DSCAM: variants seen among roughly 807,000 people sequenced by gnomAD.
DSCAM encodes cell adhesion molecule DSCAM.
DSCAM carries 47 observed loss-of-function variants against 217.7 expected under a neutral mutation model. The observed-to-expected ratio is 0.22, with a 90% CI of 0.17 to 0.28. The LOEUF is 0.28. Ranked by LOEUF, DSCAM falls within the 10% of genes least tolerant of loss-of-function variation. The probability of loss-of-function intolerance (pLI) is 1.00; values close to 1 mark genes in which losing one functional copy is unlikely to be tolerated. For synonymous variants in DSCAM, 1,056 were observed against 1,015.3 expected (o/e 1.04, Z -0.76); for missense variants, 2,080 against 2,618.3 (o/e 0.79, Z 4.49).
intron 3 of DSCAM, among the ~76,000 whole-genome samples, chr21:40,554,829 T>C (rs573990465): frequency 3.8e-4 from 58 of 151,980 alleles, no homozygotes; most frequent in Non-Finnish European, 7.8e-4. Flanking sequence ...TTTACGTTTT[T>C]GTAACCACCA....
rs1184609442 is a variant in DSCAM, at chr21:40,182,663, C to T, written c.2780-3569G>A. 7.1e-5 allele frequency among the ~76,000 whole-genome samples: 7 copies of T among 98,526 alleles called. No homozygotes were observed. In the East Asian group the frequency reaches 9.6e-4, roughly 14 times the overall value. The allele number at this position is 98,526 out of a possible 152,430, so 64.6% of individuals were successfully genotyped here. A position where few individuals can be genotyped will look rare whatever the true frequency, so the allele number is the denominator to read the frequency against. ...GACAGGAGGGGGTTACCAGAGAAACCGTGGACAGGGGGGGGTTACCAGAGA... is the reference window on the plus strand; with the variant it reads ...GACAGGAGGGGGTTACCAGAGAAACTGTGGACAGGGGGGGGTTACCAGAGA... On this transcript the variant is annotated intron_variant, in intron 14 of 32. Transcript: ENST00000400454.
chr21:40,138,640 G>A (rs556959579), intron 18 of DSCAM, among the ~76,000 whole-genome samples: 2 of 143,846 alleles, frequency 1.4e-5, no homozygotes, highest in South Asian at 2.3e-4. Context: ...TGTGGGGTAC[G>A]TGTGTGTGGG....
chr21:40,040,491 G>A (rs182731211), intron 32 of DSCAM, among the ~76,000 whole-genome samples: 2 of 152,268 alleles, frequency 1.3e-5, no homozygotes, highest in Admixed American at 1.3e-4. Context: ...ATGACGGCAT[G>A]CTATCTCAGG....
At chr21:40,619,255 T>A (rs532595550) in intron 3 of DSCAM, among the ~76,000 whole-genome samples, 104 of 151,994 alleles carry the variant, frequency 6.8e-4, no homozygotes, top group African/African-American at 2.4e-3. Context: ...AGATTTATTA[T>A]AATATGTGAT....
chr21:40,378,258 T>G (rs1162423093), intron 3 of DSCAM, among the ~76,000 whole-genome samples: 1 of 152,190 alleles, frequency 6.6e-6, no homozygotes, highest in Non-Finnish European at 1.5e-5. Flanking sequence ...CAAATCAATG[T>G]AAATTAAAAT....
rs180798468 is a variant in DSCAM, at chr21:40,194,457, G to A, written c.2357-5219C>T. On this transcript the variant is annotated intron_variant, in intron 11 of 32. Transcript: ENST00000400454. ...TTCTGAAGCATAACAAATGGATGGG[G>A]TAATTTAACAGGGATTGGTACCAAG... Among the ~76,000 whole-genome samples, 135 of 152,238 alleles carry A rather than the reference G, an allele frequency of 8.9e-4. 1 individual carries two copies. Among genetic ancestry groups the A allele is most frequent in the Non-Finnish European group, 1.4e-3 (94 of 68,026 alleles).
chr21:40,165,672 G>A (rs1380900117), intron 16 of DSCAM, among the ~76,000 whole-genome samples: 1 of 152,328 alleles, frequency 6.6e-6, no homozygotes, highest in East Asian at 1.9e-4. Flanking sequence ...TAGATCCTCT[G>A]TGGACAGACA....
chr21:40,628,692 GCTAT>G (rs60453786), intron 3 of DSCAM, among the ~76,000 whole-genome samples: 4,137 of 149,692 alleles, frequency 0.028, 78 homozygotes, highest in East Asian at 0.079. Context: ...ATAAGCACTT[GCTAT>G]CTATCTATCT....
Position 40,753,479 on chromosome 21 carries a change from A to G in DSCAM, c.44-44708T>C, listed in dbSNP as rs114206931. ...CGGAAAGATGAAGCAACACATTTATACAAAGTGTCAATAGATAAAATGGAC... is the reference window on the plus strand; with the variant it reads ...CGGAAAGATGAAGCAACACATTTATGCAAAGTGTCAATAGATAAAATGGAC... On this transcript the variant is annotated intron_variant, in intron 1 of 32. Coordinates refer to ENST00000400454, the MANE Select transcript of DSCAM (RefSeq NM_001389.5). Among the ~76,000 whole-genome samples the G allele has an allele frequency of 7.4e-3, 1,121 of 152,364 alleles. 12 individuals carry two copies. The highest frequency in any genetic ancestry group is 0.025 in the African/African-American group (1,048 of 41,586).
chr21:40,125,453 A>G (rs530256630), intron 19 of DSCAM, among the ~76,000 whole-genome samples: 27 of 152,300 alleles, frequency 1.8e-4, no homozygotes, highest in African/African-American at 6.5e-4. Flanking sequence ...AAACCAATAG[A>G]AGTCCCTTGC....
intron 4 of DSCAM, among the ~76,000 whole-genome samples, chr21:40,362,010 AGAACATGCGGTGTT>A (rs1206808408): frequency 1.3e-5 from 2 of 152,152 alleles, no homozygotes; most frequent in Non-Finnish European, 2.9e-5. Context: ...TCTATGAGTG[AGAACATGCGGTGTT>A]TGGTTTTTTG....
At chr21:40,115,588 C>T (rs2089960603) in intron 20 of DSCAM, among the ~76,000 whole-genome samples, 2 of 152,010 alleles carry the variant, frequency 1.3e-5, no homozygotes, top group African/African-American at 2.4e-5. Context: ...AAATGCAAAT[C>T]AAAACCACGA....
At chr21:40,552,636 G>A (rs1181627494) in intron 3 of DSCAM, among the ~76,000 whole-genome samples, 2 of 152,174 alleles carry the variant, frequency 1.3e-5, no homozygotes, top group Admixed American at 6.5e-5. Flanking sequence ...GCCAAAGGTT[G>A]GCAGCTTCAT....
At position 40,749,828 on chromosome 21, in the gene DSCAM, T is replaced by A. The variant is rs141257110; in HGVS notation, c.44-41057A>T. ...CTGAGAGATGGAACTGACTTAAATG[T>A]GCACCTACAGAGGAATGTATAAAGG... On this transcript the variant is annotated intron_variant, in intron 1 of 32. Coordinates refer to ENST00000400454, the MANE Select transcript of DSCAM (RefSeq NM_001389.5). Among the ~76,000 whole-genome samples the A allele has an allele frequency of 2.8e-3, 432 of 152,296 alleles. 1 individual carries two copies. The highest frequency in any genetic ancestry group is 6.2e-3 in the African/African-American group (257 of 41,576).
chr21:40,774,364 T>A (rs1321523887), intron 1 of DSCAM, among the ~76,000 whole-genome samples: 1 of 152,274 alleles, frequency 6.6e-6, no homozygotes, highest in East Asian at 1.9e-4. Context: ...GCTCCGTGGG[T>A]TGTACATGAA....
chr21:40,506,228 G>C (rs188943098), intron 3 of DSCAM, among the ~76,000 whole-genome samples: 1 of 152,328 alleles, frequency 6.6e-6, no homozygotes, highest in African/African-American at 2.4e-5. Flanking sequence ...CCATGCACGA[G>C]GGGACAGTAA....
intron 3 of DSCAM, among the ~76,000 whole-genome samples, chr21:40,376,538 GATATATCTTATATCGATATCT>G (rs1569092877): frequency 6.8e-4 from 37 of 54,404 alleles, no homozygotes; most frequent in African/African-American, 2.7e-3. Context: ...TATAGATATC[GATATATCTTATATCGATATCT>G]ATATATCTTA....
intron 15 of DSCAM, 42 bp from the exon 16 acceptor site, chr21:40,167,330 C>T (rs749927278): frequency 1.3e-6 from 2 of 1,592,864 alleles, no homozygotes; most frequent in South Asian, 2.2e-5. Flanking sequence ...GAGACGCTTT[C>T]CGGAGCAGAT....
intron 10 of DSCAM, among the ~76,000 whole-genome samples, chr21:40,284,956 G>C (rs967658744): frequency 1.3e-5 from 2 of 152,206 alleles, no homozygotes; most frequent in South Asian, 4.1e-4. Context: ...GTCTAGATTA[G>C]TGTCTAATCA....
Sources: gnomAD v4.1 joint callset for allele counts (sites outside exome capture counted in the v4.1 genomes callset) on GRCh38, gnomAD v4.1.1 for gene constraint, MANE v1.5 for transcripts, NCBI Gene and HGNC (gene_info 2026-07-23, HGNC 2026-07-21) for gene names.